Variants in MACROD2 observed in about 807,000 individuals in gnomAD.
MACROD2 encodes the protein ADP-ribose glycohydrolase MACROD2.
Under a neutral mutation model 70.4 loss-of-function variants are expected in MACROD2, and 36 were observed. The observed-to-expected ratio is 0.51, with a 90% CI of 0.39 to 0.68. The LOEUF (loss-of-function observed/expected upper bound fraction) is 0.68, where lower values mean the gene tolerates loss of function less well. MACROD2 is among the 30% of genes least tolerant of loss of function. The pLI, the probability that MACROD2 is intolerant of heterozygous loss-of-function variation, is 0.00. For missense variants in MACROD2, 496 were observed against 538.4 expected (o/e 0.92, Z 0.78); for synonymous variants, 172 against 178.8 (o/e 0.96, Z 0.30).
chr20:15,059,616 T>A (rs1356696745), intron 5 of MACROD2, among the ~76,000 whole-genome samples: 1 of 152,164 alleles, frequency 6.6e-6, no homozygotes, highest in African/African-American at 2.4e-5. Flanking sequence ...TTCTTTTCAA[T>A]TCCATCAGGC....
chr20:14,287,394 T>C (rs1044738186), intron 3 of MACROD2, among the ~76,000 whole-genome samples: 16 of 151,228 alleles, frequency 1.1e-4, no homozygotes, highest in Non-Finnish European at 1.5e-5. Context: ...ATGATGATGA[T>C]GATGATGATG....
At position 13,995,778 on chromosome 20, in the gene MACROD2, C is replaced by T; in HGVS notation, c.15C>T (p.Asn5=). ...CCCACGGCAACATGTACCCCAGCAA[C>T]AAGAAGAAAAAGGTGTGGAGAGAGG... The part of the protein sequence containing the change: MYPS[N]KKKKVWREEK... The change falls in exon 1 of 18, where the codon AAC becomes AAT. Residue 5 remains asparagine, a synonymous_variant. Coordinates refer to ENST00000684519, the MANE Select transcript of MACROD2 (RefSeq NM_001351661.2). The surrounding 1 kb of genome is among the most constrained non-coding windows in gnomAD (Gnocchi z 4.3). 1.3e-6 allele frequency: 2 copies of T among 1,498,102 alleles called. No individual in the cohort carries two copies. The highest frequency in any genetic ancestry group is 1.8e-6 in the Non-Finnish European group (2 of 1,107,648). 92.8% of individuals were successfully genotyped at this position (1,498,102 alleles called of 1,614,324 possible).
intron 5 of MACROD2, among the ~76,000 whole-genome samples, chr20:14,719,225 A>C (rs933137896): frequency 1.3e-5 from 2 of 151,568 alleles, no homozygotes; most frequent in African/African-American, 4.9e-5. Context: ...GTGAGACTCC[A>C]TCTTAAAAAA....
chr20:14,099,516 T>G (rs541874440), intron 3 of MACROD2, among the ~76,000 whole-genome samples: 1 of 152,316 alleles, frequency 6.6e-6, no homozygotes, highest in South Asian at 2.1e-4. Context: ...AGATGATTCA[T>G]TATCATTGTT....
chr20:14,186,837 A>C lies in MACROD2; in HGVS notation c.271+101109A>C, dbSNP rs891000248. Among the ~76,000 whole-genome samples the C allele has an allele frequency of 5.9e-5, 9 of 152,314 alleles. No homozygotes were observed. The South Asian group carries it at 1.9e-3, about 32-fold the overall frequency. On this transcript the variant is annotated intron_variant, in intron 3 of 17. Coordinates refer to ENST00000684519, the MANE Select transcript of MACROD2 (RefSeq NM_001351661.2). The stretch of plus-strand genomic sequence containing the variant: ...AGAAGCCATTTTCCTGAGTGAACTA[A>C]CACAGAAATAGAAAACAAAATACCA...
intron 15 of MACROD2, among the ~76,000 whole-genome samples, chr20:16,026,747 G>A (rs2067086369): frequency 6.6e-6 from 1 of 152,076 alleles, no homozygotes; most frequent in Non-Finnish European, 1.5e-5. Flanking sequence ...GAGGAAAGTG[G>A]CCCTTTTTCA....
At chr20:14,789,407 C>T (rs563362151) in intron 5 of MACROD2, among the ~76,000 whole-genome samples, 5 of 144,160 alleles carry the variant, frequency 3.5e-5, no homozygotes, top group East Asian at 4.0e-4. Flanking sequence ...AAAAACGTAA[C>T]GCCTGGAAAA....
chr20:14,827,306 G>C (rs1213410112), intron 5 of MACROD2, among the ~76,000 whole-genome samples: 3 of 152,080 alleles, frequency 2.0e-5, no homozygotes, highest in Non-Finnish European at 4.4e-5. Flanking sequence ...CACAGCGACC[G>C]CATTAAGTAG....
chr20:15,386,319 T>C (rs147482212), intron 6 of MACROD2, among the ~76,000 whole-genome samples: 1 of 152,332 alleles, frequency 6.6e-6, no homozygotes, highest in East Asian at 1.9e-4. Flanking sequence ...TCTATATTCA[T>C]ACGTTCTACT....
intron 2 of MACROD2, among the ~76,000 whole-genome samples, chr20:14,063,585 T>A (rs2053716890): frequency 6.6e-6 from 1 of 152,182 alleles, no homozygotes; most frequent in South Asian, 2.1e-4. Context: ...ATAAACTTTG[T>A]TTAGTGCACA....
intron 5 of MACROD2, among the ~76,000 whole-genome samples, chr20:14,822,619 C>T (rs2072859256): frequency 1.3e-5 from 2 of 152,038 alleles, no homozygotes; most frequent in African/African-American, 4.8e-5. Context: ...AGTGAGGCAT[C>T]TGAATATTTT....
chr20:14,281,075 A>C (rs1031680166), intron 3 of MACROD2, among the ~76,000 whole-genome samples: 1 of 152,222 alleles, frequency 6.6e-6, no homozygotes, highest in Non-Finnish European at 1.5e-5. Flanking sequence ...CTAAAATACT[A>C]CTAGTCTTTA....
chr20:14,396,935 A>AG (rs1295366957), intron 3 of MACROD2, among the ~76,000 whole-genome samples: 5 of 150,528 alleles, frequency 3.3e-5, no homozygotes, highest in Non-Finnish European at 7.4e-5. Context: ...AAAAAAAAAA[A>AG]AAAAATCCAA....
At chr20:14,161,837 A>G (rs1165855299) in intron 3 of MACROD2, among the ~76,000 whole-genome samples, 2 of 150,482 alleles carry the variant, frequency 1.3e-5, no homozygotes, top group Non-Finnish European at 3.0e-5. Flanking sequence ...CTCGTGATCC[A>G]CCCACCTCAG....
chr20:14,062,626 CTT>C (rs2053703813), intron 2 of MACROD2, among the ~76,000 whole-genome samples: 1 of 152,034 alleles, frequency 6.6e-6, no homozygotes, highest in Non-Finnish European at 1.5e-5. Flanking sequence ...GGGCCAGAGA[CTT>C]TTATCTTTTA....
At chr20:15,988,344 C>T (rs982141188) in intron 15 of MACROD2, among the ~76,000 whole-genome samples, 5 of 152,112 alleles carry the variant, frequency 3.3e-5, no homozygotes, top group African/African-American at 9.7e-5. Flanking sequence ...GTATTGCTCT[C>T]CTCAATTGTA....
At chr20:14,072,817 C>T (rs1445959977) in intron 2 of MACROD2, among the ~76,000 whole-genome samples, 2 of 151,760 alleles carry the variant, frequency 1.3e-5, no homozygotes, top group African/African-American at 4.8e-5. Context: ...GCCTATAGTC[C>T]CATCTACTCG....
intron 2 of MACROD2, among the ~76,000 whole-genome samples, chr20:14,071,414 C>T (rs1051761500): frequency 1.3e-5 from 2 of 151,748 alleles, no homozygotes; most frequent in African/African-American, 4.8e-5. Context: ...GCACCTACCA[C>T]CACGCCCGGC....
chr20:14,455,498 G>A (rs1262242064), intron 3 of MACROD2, among the ~76,000 whole-genome samples: 1 of 151,770 alleles, frequency 6.6e-6, no homozygotes, highest in East Asian at 1.9e-4. Context: ...CTATATCTGT[G>A]CAAAGCATTC....
Sources: allele counts gnomAD v4.1 joint callset (sites outside exome capture counted in the v4.1 genomes callset), GRCh38; gene constraint gnomAD v4.1.1; non-coding constraint Gnocchi (gnomAD v3.1); transcripts MANE v1.5; gene names NCBI Gene and HGNC (gene_info 2026-07-23, HGNC 2026-07-21).